Variants in PCNX1 observed in about 807,000 individuals in gnomAD.
PCNX1 encodes pecanex-like protein 1.
In PCNX1, 78 loss-of-function variants were observed where a neutral mutation model predicts 242.2. The ratio of observed to expected loss-of-function variants is 0.32; its 90% CI spans 0.27 to 0.39. The LOEUF (loss-of-function observed/expected upper bound fraction) is 0.39, where lower values mean the gene tolerates loss of function less well. Ranked by LOEUF, PCNX1 falls within the 10% of genes least tolerant of loss-of-function variation. PCNX1 has a pLI of 1.00. For synonymous variants in PCNX1, 1,024 were observed against 1,032.9 expected (o/e 0.99, Z 0.17); for missense variants, 2,581 against 2,856.5 (o/e 0.90, Z 2.20).
chr14:71,051,591 A>T (rs549495201), intron 23 of PCNX1, among the ~76,000 whole-genome samples: 1 of 152,314 alleles, frequency 6.6e-6, no homozygotes, highest in South Asian at 2.1e-4. Context: ...CCTTGTGGAA[A>T]ATTGAACTCT....
chr14:70,927,899 C>A (rs1436209583), intron 1 of PCNX1, among the ~76,000 whole-genome samples: 1 of 152,004 alleles, frequency 6.6e-6, no homozygotes, highest in Non-Finnish European at 1.5e-5. Flanking sequence ...GATTTTCATT[C>A]TTGTGTTAGA....
rs1298794841 is a variant in PCNX1 at position 71,113,670 on chromosome 14, C to G, written c.*3735C>G. ...AAAGTTGTCCTTTTCTTATAGCTAGCTTTCAAGCATCTTTCCTCCTAAATA... is the reference window on the plus strand; with the variant it reads ...AAAGTTGTCCTTTTCTTATAGCTAGGTTTCAAGCATCTTTCCTCCTAAATA... On this transcript the variant is annotated 3_prime_UTR_variant, in exon 36 of 36. Transcript: ENST00000304743. The G allele has an allele frequency of 6.6e-6, 1 of 152,332 alleles. No individual in the cohort carries two copies. The highest frequency in any genetic ancestry group is 1.5e-5 in the Non-Finnish European group (1 of 68,028). The allele number at this position is 152,332 out of a possible 1,614,324, so 9.4% of individuals were successfully genotyped here.
intron 8 of PCNX1, among the ~76,000 whole-genome samples, chr14:70,997,149 C>T (rs1432877162): frequency 6.6e-6 from 1 of 152,086 alleles, no homozygotes; most frequent in African/African-American, 2.4e-5. Context: ...GAGGTAGACT[C>T]CAGTTTAGCT....
chr14:70,966,508 C>G (rs2058382445), intron 3 of PCNX1, among the ~76,000 whole-genome samples: 1 of 152,168 alleles, frequency 6.6e-6, no homozygotes, highest in Non-Finnish European at 1.5e-5. Context: ...TCTTCTCAGA[C>G]ACACAAAGAC....
At chr14:70,948,748 CATATATGTACATATACACATATATGTAT>C (rs1019169334) in intron 2 of PCNX1, among the ~76,000 whole-genome samples, 1 of 141,884 alleles carries the variant, frequency 7.0e-6, no homozygotes, top group African/African-American at 2.6e-5. Context: ...TGTATATGTA[CATATATGTACATATACACATATATGTAT>C]AGTGTATATA....
chr14:71,048,411 T>C (rs1047546037), intron 22 of PCNX1, among the ~76,000 whole-genome samples: 1 of 152,162 alleles, frequency 6.6e-6, no homozygotes, highest in Non-Finnish European at 1.5e-5. Flanking sequence ...TGCAGAATAC[T>C]CTGAACTTTA....
chr14:71,000,948 T>C (rs1320021348), intron 8 of PCNX1, among the ~76,000 whole-genome samples: 4 of 152,214 alleles, frequency 2.6e-5, no homozygotes, highest in African/African-American at 7.2e-5. Flanking sequence ...CTACCAGTTA[T>C]TAACTATGCG....
In PCNX1 at chr14:70,969,041, A is replaced by G; in HGVS notation, c.535A>G (p.Thr179Ala). The change falls in exon 5 of 36, where the codon ACT becomes GCT. Residue 179 changes from threonine to alanine, a missense_variant. Physicochemically the swap from Thr to Ala is moderately conservative, Grantham distance 58. Transcript: ENST00000304743. ...TIKGDTDTAK[T>A]SDDISLSLGQ... ...TGTAGGAGATACAGACACTGCTAAG[A>G]CTTCTGATGATATCAGTTTAAGTCT... 6.2e-7 allele frequency: 1 copy of G among 1,606,934 alleles called. No homozygotes were observed. Among genetic ancestry groups the G allele is most frequent in the Non-Finnish European group, 8.5e-7 (1 of 1,173,584 alleles).
intron 20 of PCNX1, among the ~76,000 whole-genome samples, chr14:71,046,244 T>A (rs1406594040): frequency 6.6e-6 from 1 of 152,150 alleles, no homozygotes; most frequent in East Asian, 1.9e-4. Flanking sequence ...GAACTATTAC[T>A]GCTTTCATAT....
intron 2 of PCNX1, among the ~76,000 whole-genome samples, chr14:70,959,799 C>T (rs375866517): frequency 0.01 from 1,536 of 146,944 alleles, 10 homozygotes; most frequent in South Asian, 0.015. Context: ...CCTGAGGAAT[C>T]GCCACACTGA....
At chr14:71,000,732 G>A (rs1162170218) in intron 8 of PCNX1, among the ~76,000 whole-genome samples, 1 of 151,804 alleles carries the variant, frequency 6.6e-6, no homozygotes, top group African/African-American at 2.4e-5. Context: ...TGCCATGTTG[G>A]CCAGGCTGGT....
chr14:70,991,114 T>A (rs2059150690), intron 7 of PCNX1, among the ~76,000 whole-genome samples: 1 of 152,182 alleles, frequency 6.6e-6, no homozygotes, highest in Admixed American at 6.5e-5. Flanking sequence ...TGTTCTAATG[T>A]TCTAACTCCA....
rs571367044 is a variant in PCNX1 at position 71,042,318 on chromosome 14, A to C, written c.3868-2815A>C. Among the ~76,000 whole-genome samples the C allele has an allele frequency of 8.5e-5, 13 of 152,194 alleles. No homozygotes were observed. The South Asian group carries it at 2.3e-3, about 27-fold the overall frequency. On this transcript the variant is annotated intron_variant, in intron 19 of 35. Coordinates refer to ENST00000304743, the MANE Select transcript of PCNX1 (RefSeq NM_014982.3). ...ATTGGGGTCTATCTCATTAGCTTTAATAATATTTGCCTTATGTATCTGGGT... is the reference window on the plus strand; with the variant it reads ...ATTGGGGTCTATCTCATTAGCTTTACTAATATTTGCCTTATGTATCTGGGT...
At chr14:71,014,243 A>G (rs2059899873) in intron 11 of PCNX1, among the ~76,000 whole-genome samples, 1 of 152,218 alleles carries the variant, frequency 6.6e-6, no homozygotes, top group Admixed American at 6.5e-5. Flanking sequence ...AACAAGTAAT[A>G]AAACCAAGAC....
chr14:70,920,573 G>A (rs531349140), intron 1 of PCNX1, among the ~76,000 whole-genome samples: 3 of 152,176 alleles, frequency 2.0e-5, no homozygotes, highest in Admixed American at 6.5e-5. Flanking sequence ...CCTATATTAG[G>A]CTATTTTAAA....
chr14:70,989,091 T>C (rs1163258652), intron 7 of PCNX1, among the ~76,000 whole-genome samples: 1 of 152,140 alleles, frequency 6.6e-6, no homozygotes, highest in Non-Finnish European at 1.5e-5. Flanking sequence ...AGTGGTGAGC[T>C]TGTTGAGGAA....
chr14:70,997,752 C>A (rs1350176932), intron 8 of PCNX1, among the ~76,000 whole-genome samples: 1 of 151,874 alleles, frequency 6.6e-6, no homozygotes, highest in Non-Finnish European at 1.5e-5. Flanking sequence ...ATAAAGTTGG[C>A]CAAAAAAGAT....
chr14:70,978,005 C>T lies in PCNX1; in HGVS notation c.1668C>T (p.Ala556=), dbSNP rs781088581. ...SSSVIHRTAS[A]HKSGRRRTGK... ...GCGTAATCCATCGGACAGCTTCTGC[C>T]CACAAGTCAGGCAGGAGACGCACAG... The change falls in exon 6 of 36, where the codon GCC becomes GCT. Residue 556 remains alanine, a synonymous_variant. Transcript: ENST00000304743. 6.8e-6 allele frequency: 11 copies of T among 1,613,968 alleles called. No homozygotes were observed. The highest frequency in any genetic ancestry group is 2.2e-5 in the East Asian group (1 of 44,880).
intron 26 of PCNX1, among the ~76,000 whole-genome samples, chr14:71,058,154 G>A (rs2061233092): frequency 6.6e-6 from 1 of 151,934 alleles, no homozygotes; most frequent in Non-Finnish European, 1.5e-5. Context: ...TTTTTTAATT[G>A]AGGTGAAATT....
Sources: allele counts gnomAD v4.1 joint callset (sites outside exome capture counted in the v4.1 genomes callset), GRCh38; gene constraint gnomAD v4.1.1; transcripts MANE v1.5; gene names NCBI Gene and HGNC (gene_info 2026-07-23, HGNC 2026-07-21).